The following CNTN4 variants were observed in gnomAD, a reference collection of about 807,000 sequenced individuals.
CNTN4 encodes the protein contactin-4.
In CNTN4, 77 loss-of-function variants were observed where a neutral mutation model predicts 122.5. The observed-to-expected ratio is 0.63, with a 90% CI of 0.52 to 0.76. CNTN4 has a LOEUF of 0.76. Among genes scored for constraint, CNTN4 ranks in the 30% least tolerant of loss-of-function variants. The pLI, the probability that CNTN4 is intolerant of heterozygous loss-of-function variation, is 0.00. For synonymous variants in CNTN4, 512 were observed against 447.0 expected, an observed-to-expected ratio of 1.15 and a Z score of -1.83; for missense variants, 1,256 against 1,259.1, an observed-to-expected ratio of 1.00 and a Z score of 0.04.
intron 2 of CNTN4, among the ~76,000 whole-genome samples, chr3:2,102,052 G>A (rs953340846): frequency 2.6e-5 from 4 of 152,200 alleles, no homozygotes; most frequent in Non-Finnish European, 4.4e-5. Context: ...AGAATGAGGT[G>A]TAAAGGATGA....
Position 2,951,264 on chromosome 3 carries a change from G to T in CNTN4, c.1358+25485G>T, listed in dbSNP as rs565222111. Reference sequence around the variant, plus strand: ...TTTTTCCACAGATGGCGGGTGGGGTGGGAGGTGGTTTTGGGATAAAAGTGT... The same window carrying T: ...TTTTTCCACAGATGGCGGGTGGGGTTGGAGGTGGTTTTGGGATAAAAGTGT... On this transcript the variant is annotated intron_variant, in intron 13 of 24. Coordinates refer to ENST00000418658, the MANE Select transcript of CNTN4 (RefSeq NM_175607.3). 2.0e-5 allele frequency among the ~76,000 whole-genome samples: 3 copies of T among 152,298 alleles called. No homozygotes were observed. The East Asian group carries it at 5.8e-4, about 29-fold the overall frequency.
At chr3:3,005,348 C>T (rs1218895646) in intron 14 of CNTN4, among the ~76,000 whole-genome samples, 1 of 152,068 alleles carries the variant, frequency 6.6e-6, no homozygotes, top group Non-Finnish European at 1.5e-5. Context: ...GTCTTCTGAT[C>T]ATTTCTCTCT....
chr3:2,461,380 C>T (rs1303623728), intron 3 of CNTN4, among the ~76,000 whole-genome samples: 1 of 152,070 alleles, frequency 6.6e-6, no homozygotes, highest in Non-Finnish European at 1.5e-5. Context: ...AGATAATCTA[C>T]ATTATCTCAG....
chr3:2,138,375 G>A (rs939280155), intron 2 of CNTN4, among the ~76,000 whole-genome samples: 1 of 151,726 alleles, frequency 6.6e-6, no homozygotes, highest in Non-Finnish European at 1.5e-5. Flanking sequence ...GCCCCAGTAT[G>A]TCTTCTTATA....
At chr3:2,598,880 C>T (rs1303989256) in intron 4 of CNTN4, among the ~76,000 whole-genome samples, 1 of 151,944 alleles carries the variant, frequency 6.6e-6, no homozygotes. Context: ...CAAGCTCTTA[C>T]TAATGGTAAT....
At chr3:2,586,156 C>G (rs991875659) in intron 4 of CNTN4, among the ~76,000 whole-genome samples, 1 of 152,174 alleles carries the variant, frequency 6.6e-6, no homozygotes, top group Non-Finnish European at 1.5e-5. Flanking sequence ...GAAGGTCACA[C>G]AAGCATGGCC....
chr3:2,173,488 T>G (rs1469695182), intron 2 of CNTN4, among the ~76,000 whole-genome samples: 1 of 152,244 alleles, frequency 6.6e-6, no homozygotes, highest in Non-Finnish European at 1.5e-5. Context: ...TATTGAAGTA[T>G]TTATTTTAAT....
intron 14 of CNTN4, among the ~76,000 whole-genome samples, chr3:3,003,281 C>T (rs548107089): frequency 2.0e-5 from 3 of 151,698 alleles, no homozygotes; most frequent in Non-Finnish European, 4.4e-5. Context: ...GCAAGGAAAA[C>T]TTGTATACAA....
At chr3:2,881,278 C>T (rs532097429) in intron 8 of CNTN4, among the ~76,000 whole-genome samples, 6 of 152,074 alleles carry the variant, frequency 3.9e-5, no homozygotes, top group East Asian at 3.9e-4. Context: ...TTTGGGAGGC[C>T]GAGGCAGACA....
intron 3 of CNTN4, among the ~76,000 whole-genome samples, chr3:2,354,637 A>G (rs545075731): frequency 1.4e-4 from 21 of 152,310 alleles, no homozygotes; most frequent in African/African-American, 5.1e-4. Context: ...TTTGCAGTGA[A>G]GTACTAATAG....
chr3:2,272,794 A>G (rs2041352777), intron 2 of CNTN4, among the ~76,000 whole-genome samples: 1 of 125,772 alleles, frequency 8.0e-6, no homozygotes, highest in South Asian at 3.2e-4. Context: ...TAAGGGTAGC[A>G]GAAACACTAC....
chr3:2,393,762 G>A (rs528364202), intron 3 of CNTN4, among the ~76,000 whole-genome samples: 3 of 152,022 alleles, frequency 2.0e-5, no homozygotes, highest in Non-Finnish European at 2.9e-5. Context: ...AGGAAAGATA[G>A]GAAAGAATCA....
At chr3:2,927,185 A>G in intron 13 of CNTN4, 1 of 323,274 alleles carries the variant, frequency 3.1e-6, no homozygotes, top group South Asian at 2.7e-5. Context: ...ATGAATGAAT[A>G]AAGTTATAAT....
intron 3 of CNTN4, among the ~76,000 whole-genome samples, chr3:2,375,942 C>A (rs890071811): frequency 6.6e-6 from 1 of 152,014 alleles, no homozygotes; most frequent in Non-Finnish European, 1.5e-5. Flanking sequence ...AAGAGAAAAC[C>A]CTCTGCTGTT....
intron 3 of CNTN4, among the ~76,000 whole-genome samples, chr3:2,481,061 C>CTTTCTTTCTTTCTTTCTTTCTTTCTTTT (rs773311259): frequency 9.0e-6 from 1 of 110,802 alleles, no homozygotes. Context: ...TTCTTTCTTT[C>CTTTCTTTCTTTCTTTCTTTCTTTCTTTT]TCTCTTTCTC....
chr3:2,387,067 G>C (rs2046281162), intron 3 of CNTN4, among the ~76,000 whole-genome samples: 1 of 152,030 alleles, frequency 6.6e-6, no homozygotes, highest in African/African-American at 2.4e-5. Flanking sequence ...TCCAATATCA[G>C]TTATAGTCTA....
intron 2 of CNTN4, among the ~76,000 whole-genome samples, chr3:2,303,420 C>T (rs920615270): frequency 6.6e-6 from 1 of 152,042 alleles, no homozygotes; most frequent in African/African-American, 2.4e-5. Context: ...CTTTCTGTCC[C>T]GACATTTCAT....
chr3:2,598,046 C>CT (rs1350042932), intron 4 of CNTN4, among the ~76,000 whole-genome samples: 1 of 152,018 alleles, frequency 6.6e-6, no homozygotes, highest in Non-Finnish European at 1.5e-5. Context: ...TTTTGTAATT[C>CT]TTTTTTGCAG....
chr3:3,012,039 C>A (rs1420437558), intron 14 of CNTN4, among the ~76,000 whole-genome samples: 1 of 152,086 alleles, frequency 6.6e-6, no homozygotes, highest in Non-Finnish European at 1.5e-5. Context: ...AATAACTTTC[C>A]CACAATCAGT....
Sources: allele counts gnomAD v4.1 joint callset (sites outside exome capture counted in the v4.1 genomes callset), GRCh38; gene constraint gnomAD v4.1.1; transcripts MANE v1.5; gene names NCBI Gene and HGNC (gene_info 2026-07-23, HGNC 2026-07-21).